GRIK2: variants seen among roughly 807,000 people sequenced by gnomAD.
GRIK2 encodes the protein glutamate ionotropic receptor kainate type subunit 2, also known as glutamate receptor ionotropic, kainate 2.
A neutral mutation model predicts 100.3 loss-of-function variants in GRIK2; 32 were observed. That is an observed-to-expected ratio of 0.32 (90% CI 0.24 to 0.43). GRIK2 has a LOEUF of 0.43. Among genes scored for constraint, GRIK2 ranks in the 20% least tolerant of loss-of-function variants. GRIK2 has a pLI of 1.00. For synonymous variants in GRIK2, 417 were observed against 389.4 expected, an observed-to-expected ratio of 1.07 and a Z score of -0.83; for missense variants, 843 against 1,114.9, an observed-to-expected ratio of 0.76 and a Z score of 3.47.
intron 7 of GRIK2, among the ~76,000 whole-genome samples, chr6:101,706,150 TATC>T (rs1773282621): frequency 6.6e-6 from 1 of 151,908 alleles, no homozygotes; most frequent in South Asian, 2.1e-4. Flanking sequence ...GAGACAGATT[TATC>T]ATGTTTTGTT....
rs528216033 is a variant in GRIK2, at chr6:101,530,849, G to A, written c.116-91100G>A. Among the ~76,000 whole-genome samples the A allele has an allele frequency of 2.6e-4, 40 of 152,020 alleles. No homozygotes were observed. The South Asian group carries it at 7.7e-3, about 29-fold the overall frequency. The stretch of plus-strand genomic sequence containing the variant: ...CAGCAGAGACACCATAAGTTTTTTT[G>A]GAGGGAGAATGAACAGAACTTACAG... On this transcript the variant is annotated intron_variant, in intron 2 of 16. Coordinates refer to ENST00000369134, the MANE Select transcript of GRIK2 (RefSeq NM_021956.5).
chr6:101,400,902 G>C (rs541445319), intron 2 of GRIK2, among the ~76,000 whole-genome samples: 17 of 152,150 alleles, frequency 1.1e-4, no homozygotes, highest in Non-Finnish European at 1.8e-4. Context: ...TAAGCACGTT[G>C]CTCTTAGCAA....
chr6:101,794,308 C>T (rs6903577), intron 7 of GRIK2, among the ~76,000 whole-genome samples: 3,922 of 152,174 alleles, frequency 0.026, 174 homozygotes, highest in African/African-American at 0.088. Flanking sequence ...GCGTCGCTCA[C>T]GCTGGGAGCT....
chr6:101,879,119 T>C (rs1402253287), intron 11 of GRIK2, among the ~76,000 whole-genome samples: 1 of 152,028 alleles, frequency 6.6e-6, no homozygotes, highest in Non-Finnish European at 1.5e-5. Flanking sequence ...AAAGTTTCTT[T>C]GCAGAAGTGA....
intron 10 of GRIK2, among the ~76,000 whole-genome samples, chr6:101,819,150 G>A (rs1261462895): frequency 6.6e-6 from 1 of 151,990 alleles, no homozygotes; most frequent in Non-Finnish European, 1.5e-5. Flanking sequence ...TTTGCAAAAG[G>A]GAATTTTAAT....
At chr6:101,845,624 G>A (rs1344090591) in intron 10 of GRIK2, among the ~76,000 whole-genome samples, 1 of 152,088 alleles carries the variant, frequency 6.6e-6, no homozygotes, top group East Asian at 1.9e-4. Flanking sequence ...TATGCACATT[G>A]GTTCACAGTT....
intron 2 of GRIK2, among the ~76,000 whole-genome samples, chr6:101,535,762 TC>T (rs1170665938): frequency 6.6e-6 from 1 of 151,780 alleles, no homozygotes; most frequent in Non-Finnish European, 1.5e-5. Context: ...TCCCTTTTTT[TC>T]ATTATGTTGA....
At chr6:101,983,979 A>G (rs983048286) in intron 14 of GRIK2, among the ~76,000 whole-genome samples, 6 of 151,774 alleles carry the variant, frequency 4.0e-5, no homozygotes, top group African/African-American at 7.2e-5. Context: ...TAGCATAAAC[A>G]TCGTTGACAT....
At chr6:101,423,206 A>G (rs1776503095) in intron 2 of GRIK2, among the ~76,000 whole-genome samples, 1 of 152,194 alleles carries the variant, frequency 6.6e-6, no homozygotes, top group African/African-American at 2.4e-5. Flanking sequence ...AGAAATAGTG[A>G]GTTCTTCAGT....
At chr6:101,562,217 C>T (rs1777053500) in intron 2 of GRIK2, among the ~76,000 whole-genome samples, 2 of 151,710 alleles carry the variant, frequency 1.3e-5, no homozygotes, top group Non-Finnish European at 2.9e-5. Context: ...GCTATCATTC[C>T]CTAAAAAAAA....
chr6:101,790,807 G>T (rs1489758250), intron 7 of GRIK2, among the ~76,000 whole-genome samples: 2 of 151,344 alleles, frequency 1.3e-5, no homozygotes, highest in African/African-American at 4.9e-5. Context: ...TTTACCTCTG[G>T]TAGAATTCGG....
chr6:101,786,263 T>A (rs1337566126), intron 7 of GRIK2, among the ~76,000 whole-genome samples: 1 of 82,266 alleles, frequency 1.2e-5, no homozygotes, highest in East Asian at 1.9e-3. Flanking sequence ...ACAATTTGAC[T>A]TTTTTTTTTT....
intron 7 of GRIK2, among the ~76,000 whole-genome samples, chr6:101,714,777 G>A (rs1373195257): frequency 1.3e-5 from 2 of 151,648 alleles, no homozygotes; most frequent in African/African-American, 4.8e-5. Flanking sequence ...TACCTTTGCA[G>A]TTAAAATTCT....
At chr6:101,469,681 A>G (rs1413420171) in intron 2 of GRIK2, among the ~76,000 whole-genome samples, 2 of 152,130 alleles carry the variant, frequency 1.3e-5, no homozygotes, top group African/African-American at 2.4e-5. Flanking sequence ...TCTTCGTTTA[A>G]TAATATCCTG....
intron 14 of GRIK2, among the ~76,000 whole-genome samples, chr6:101,967,993 T>TAA (rs1304109786): frequency 6.6e-6 from 1 of 151,360 alleles, no homozygotes; most frequent in Non-Finnish European, 1.5e-5. Context: ...TCAGGAAAAT[T>TAA]AAAGTTCTAT....
intron 2 of GRIK2, among the ~76,000 whole-genome samples, chr6:101,410,812 T>G (rs1775855145): frequency 6.6e-6 from 1 of 152,064 alleles, no homozygotes; most frequent in Non-Finnish European, 1.5e-5. Flanking sequence ...ATGTAAAGTT[T>G]ATTGGGAAAA....
At chr6:101,705,608 T>C (rs1437543474) in intron 7 of GRIK2, among the ~76,000 whole-genome samples, 1 of 151,828 alleles carries the variant, frequency 6.6e-6, no homozygotes, top group Non-Finnish European at 1.5e-5. Context: ...GTGGAATTTT[T>C]CCTGAAATTA....
At chr6:101,747,784 G>A (rs148748409) in intron 7 of GRIK2, among the ~76,000 whole-genome samples, 48 of 152,200 alleles carry the variant, frequency 3.2e-4, no homozygotes, top group African/African-American at 1.1e-3. Context: ...AAAATAGAGG[G>A]AAAGAGTATC....
intron 14 of GRIK2, among the ~76,000 whole-genome samples, chr6:101,988,777 G>C (rs974925715): frequency 6.6e-6 from 1 of 151,822 alleles, no homozygotes; most frequent in Non-Finnish European, 1.5e-5. Context: ...CACAGTCTGG[G>C]TGTTAAATGT....
Sources: gnomAD v4.1 joint callset for allele counts (sites outside exome capture counted in the v4.1 genomes callset) on GRCh38, gnomAD v4.1.1 for gene constraint, MANE v1.5 for transcripts, NCBI Gene and HGNC (gene_info 2026-07-23, HGNC 2026-07-21) for gene names.